The following FNDC3A variants were observed in gnomAD, a reference collection of about 807,000 sequenced individuals.
FNDC3A encodes fibronectin type-III domain-containing protein 3A.
A neutral mutation model predicts 148.9 loss-of-function variants in FNDC3A; 32 were observed. That is an observed-to-expected ratio of 0.21 (90% CI 0.16 to 0.29). The LOEUF (loss-of-function observed/expected upper bound fraction) is 0.29. FNDC3A is among the 10% of genes least tolerant of loss of function. FNDC3A has a pLI of 1.00. For missense variants in FNDC3A, 1,191 were observed against 1,452.8 expected, an observed-to-expected ratio of 0.82 and a Z score of 2.93; for synonymous variants, 472 against 473.6, an observed-to-expected ratio of 1.00 and a Z score of 0.04.
chr13:49,190,889 G>T, intron 17 of FNDC3A, 126 bp from the exon 18 acceptor site: 10 of 599,746 alleles, frequency 1.7e-5, no homozygotes, highest in South Asian at 5.3e-5. Flanking sequence ...CTTTTTTGTT[G>T]ACAATCAAGT....
chr13:49,112,595 A>G (rs1880646540), intron 3 of FNDC3A, among the ~76,000 whole-genome samples: 1 of 152,220 alleles, frequency 6.6e-6, no homozygotes, highest in Admixed American at 6.5e-5. Context: ...CTTAAGCCTC[A>G]AATTATATCA....
intron 1 of FNDC3A, among the ~76,000 whole-genome samples, chr13:48,997,367 CAA>C (rs928939072): frequency 6.6e-6 from 1 of 152,116 alleles, no homozygotes; most frequent in African/African-American, 2.4e-5. Flanking sequence ...TATAAGGAAA[CAA>C]GAACAGATTC....
intron 23 of FNDC3A, chr13:49,201,280 A>T (rs576710770): frequency 6.1e-6 from 1 of 164,018 alleles, no homozygotes; most frequent in South Asian, 1.5e-4. Context: ...AAATCTCTAA[A>T]AAAACGTCAC....
At chr13:49,022,295 A>G (rs1308328659) in intron 2 of FNDC3A, among the ~76,000 whole-genome samples, 2 of 152,180 alleles carry the variant, frequency 1.3e-5, no homozygotes, top group African/African-American at 4.8e-5. Flanking sequence ...CCCTTTTTAC[A>G]TTACCTAAAA....
Position 49,188,551 on chromosome 13 carries a change from G to A in FNDC3A, c.1862G>A (p.Arg621Lys). 6.2e-7 allele frequency: 1 copy of A among 1,613,872 alleles called. No individual in the cohort carries two copies. The highest frequency in any genetic ancestry group is 8.5e-7 in the Non-Finnish European group (1 of 1,179,746). ...GAAATGATATACAGTGGTGCTACCA[G>A]GGAACATCTTTGTGATCGACTGAAT... ...KWEMIYSGAT[R>K]EHLCDRLNPG... Residue 621 changes from arginine (R) to lysine (K), a missense_variant, in exon 17 of 26, where the codon AGG (arginine) becomes AAG (lysine). Physicochemically the swap from Arg to Lys is conservative, Grantham distance 26. This residue lies in a region of FNDC3A where 751 missense variants were observed against 944.0 expected (regional missense o/e 0.80). Transcript: ENST00000492622.
At chr13:49,128,701 C>T (rs1027636617) in intron 4 of FNDC3A, among the ~76,000 whole-genome samples, 1 of 152,150 alleles carries the variant, frequency 6.6e-6, no homozygotes, top group African/African-American at 2.4e-5. Flanking sequence ...ACCCTATCAC[C>T]GCTTCATTTC....
chr13:49,069,889 GTATAT>G (rs906112951), intron 2 of FNDC3A, among the ~76,000 whole-genome samples: 99 of 152,274 alleles, frequency 6.5e-4, no homozygotes, highest in African/African-American at 2.1e-3. Flanking sequence ...GGCCAGAATA[GTATAT>G]TATAAGCAAA....
At chr13:49,051,720 C>T (rs1033809413) in intron 2 of FNDC3A, among the ~76,000 whole-genome samples, 1 of 152,204 alleles carries the variant, frequency 6.6e-6, no homozygotes, top group African/African-American at 2.4e-5. Context: ...GTCTAGATCT[C>T]TAGCAAGGCT....
chr13:49,151,010 A>AATGTTTC (rs1028056516), intron 8 of FNDC3A, among the ~76,000 whole-genome samples: 1 of 151,988 alleles, frequency 6.6e-6, no homozygotes, highest in African/African-American at 2.4e-5. Flanking sequence ...TACCCTAAAG[A>AATGTTTC]ATGTTTCATG....
intron 2 of FNDC3A, among the ~76,000 whole-genome samples, chr13:49,031,306 C>G (rs915685767): frequency 3.3e-5 from 5 of 150,650 alleles, no homozygotes; most frequent in African/African-American, 4.9e-5. Context: ...CGCTTGAACC[C>G]GGGAAGCAGA....
intron 10 of FNDC3A, among the ~76,000 whole-genome samples, chr13:49,171,779 C>G (rs188328956): frequency 6.6e-6 from 1 of 152,060 alleles, no homozygotes; most frequent in Non-Finnish European, 1.5e-5. Context: ...TTTTTAAAGA[C>G]TTTTTCAAGT....
Position 49,207,492 on chromosome 13 carries a change from C to T in FNDC3A, c.*97C>T. 2.5e-6 allele frequency: 2 copies of T among 800,048 alleles called. No individual in the cohort carries two copies. The highest frequency in any genetic ancestry group is 3.7e-5 in the South Asian group (2 of 53,840). 49.6% of individuals were successfully genotyped at this position (800,048 alleles called of 1,614,324 possible). On this transcript the variant is annotated 3_prime_UTR_variant, in exon 26 of 26. Transcript: ENST00000492622. ...TTATAAAAAACAGTGGCATTTAGCA[C>T]TGGCATTGAGACTATAGCACATCAT...
At chr13:49,095,956 C>G (rs925887103) in intron 3 of FNDC3A, among the ~76,000 whole-genome samples, 8 of 152,054 alleles carry the variant, frequency 5.3e-5, no homozygotes, top group African/African-American at 1.9e-4. Context: ...TGTATGGCAG[C>G]ATGTTGGATG....
intron 2 of FNDC3A, among the ~76,000 whole-genome samples, chr13:49,056,219 T>G (rs545645895): frequency 6.6e-6 from 1 of 151,916 alleles, no homozygotes; most frequent in East Asian, 1.9e-4. Context: ...TAACTCTTTG[T>G]CAACACTAGG....
intron 2 of FNDC3A, among the ~76,000 whole-genome samples, chr13:49,022,119 G>A (rs1873373306): frequency 1.3e-5 from 2 of 151,982 alleles, no homozygotes; most frequent in Non-Finnish European, 2.9e-5. Flanking sequence ...CTTACTTGAG[G>A]GCCCTCATCA....
At chr13:49,172,661 C>CA (rs1400331577) in intron 11 of FNDC3A, among the ~76,000 whole-genome samples, 2 of 152,238 alleles carry the variant, frequency 1.3e-5, no homozygotes, top group Admixed American at 1.3e-4. Context: ...ATCTGTCTTC[C>CA]TTTTTTAGGA....
intron 2 of FNDC3A, among the ~76,000 whole-genome samples, chr13:49,073,694 A>G (rs1380125736): frequency 5.4e-5 from 8 of 146,804 alleles, no homozygotes; most frequent in African/African-American, 2.0e-4. Context: ...TAAAATATAT[A>G]TGTATATATA....
rs892807184 is a variant in FNDC3A at position 49,198,651 on chromosome 13, G to C, written c.2987+77G>C. The stretch of plus-strand genomic sequence containing the variant: ...ACATTTCTGTAACTATTAGAAGTAG[G>C]CCAGGTGTGGTGGCTGACACCTGTA... On this transcript the variant is annotated intron_variant, in intron 23 of 25. Transcript: ENST00000492622. The C allele has an allele frequency of 4.1e-6, 5 of 1,209,844 alleles. No individual in the cohort carries two copies. The Admixed American group carries it at 7.5e-5, about 18-fold the overall frequency. 74.9% of individuals were successfully genotyped at this position (1,209,844 alleles called of 1,614,324 possible).
At chr13:49,017,933 A>G (rs896456253) in intron 2 of FNDC3A, among the ~76,000 whole-genome samples, 9 of 151,504 alleles carry the variant, frequency 5.9e-5, no homozygotes, top group Admixed American at 4.6e-4. Flanking sequence ...ATTGGCCCCT[A>G]CTCTCTTCTG....
Sources: gnomAD v4.1 joint callset for allele counts (sites outside exome capture counted in the v4.1 genomes callset) on GRCh38, gnomAD v4.1.1 for gene constraint, gnomAD v4.1.1 regional missense constraint, MANE v1.5 for transcripts, NCBI Gene and HGNC (gene_info 2026-07-23, HGNC 2026-07-21) for gene names.